Variants in GALNT13 observed in about 807,000 individuals in gnomAD.
GALNT13 encodes polypeptide N-acetylgalactosaminyltransferase 13.
Under a neutral mutation model 64.2 loss-of-function variants are expected in GALNT13, and 28 were observed. The ratio of observed to expected loss-of-function variants is 0.44; its 90% CI spans 0.32 to 0.60. The LOEUF is 0.60. Ranked by LOEUF, GALNT13 falls within the 20% of genes least tolerant of loss-of-function variation. GALNT13 has a pLI of 0.05. For missense variants in GALNT13, 577 were observed against 669.8 expected (o/e 0.86, Z 1.53); for synonymous variants, 214 against 224.6 (o/e 0.95, Z 0.42).
the GALNT13 span, among the ~76,000 whole-genome samples, chr2:153,154,220 T>C: frequency 6.6e-6 from 1 of 152,100 alleles, no homozygotes; most frequent in Non-Finnish European, 1.5e-5. Context: ...GTTTCTCCCA[T>C]GCTGTTCTTG....
intron 9 of GALNT13, among the ~76,000 whole-genome samples, chr2:154,340,274 G>C (rs1380768630): frequency 6.6e-6 from 1 of 151,834 alleles, no homozygotes; most frequent in East Asian, 1.9e-4. Flanking sequence ...TTACCTTTTA[G>C]AGACAAGATC....
intron 1 of GALNT13, among the ~76,000 whole-genome samples, chr2:153,884,761 A>G (rs1304383013): frequency 7.3e-6 from 1 of 137,168 alleles, no homozygotes; most frequent in African/African-American, 2.9e-5. Flanking sequence ...TGTACTAAAA[A>G]TACGAATATA....
chr2:153,324,054 G>A, the GALNT13 span, among the ~76,000 whole-genome samples: 3 of 152,230 alleles, frequency 2.0e-5, no homozygotes, highest in Non-Finnish European at 2.9e-5. Context: ...GATGAAAATA[G>A]CACTGAATTT....
At chr2:153,318,654 T>C in the GALNT13 span, among the ~76,000 whole-genome samples, 1 of 152,198 alleles carries the variant, frequency 6.6e-6, no homozygotes, top group African/African-American at 2.4e-5. Flanking sequence ...AGATGTAGCC[T>C]TGGACTAGTC....
At chr2:154,263,272 G>A (rs1255411123) in intron 8 of GALNT13, among the ~76,000 whole-genome samples, 1 of 152,126 alleles carries the variant, frequency 6.6e-6, no homozygotes, top group African/African-American at 2.4e-5. Context: ...GCTTTAGTGT[G>A]TCCATCTCTA....
At chr2:153,589,097 T>G in the GALNT13 span, among the ~76,000 whole-genome samples, 1 of 151,894 alleles carries the variant, frequency 6.6e-6, no homozygotes, top group South Asian at 2.1e-4. Context: ...ATCATGCCAT[T>G]GCACTCCAGC....
chr2:153,147,459 C>T, the GALNT13 span, among the ~76,000 whole-genome samples: 3 of 151,366 alleles, frequency 2.0e-5, no homozygotes, highest in East Asian at 5.8e-4. Flanking sequence ...CTAAAGGAGG[C>T]AAACAGTAGT....
the GALNT13 span, among the ~76,000 whole-genome samples, chr2:153,227,912 G>A: frequency 6.6e-6 from 1 of 152,164 alleles, no homozygotes; most frequent in African/African-American, 2.4e-5. Flanking sequence ...AAAATGTTTT[G>A]TGTCTACACA....
At chr2:153,579,776 T>C in the GALNT13 span, among the ~76,000 whole-genome samples, 1 of 152,050 alleles carries the variant, frequency 6.6e-6, no homozygotes, top group South Asian at 2.1e-4. Flanking sequence ...CATTGGAGCA[T>C]GAACTCTATT....
the GALNT13 span, among the ~76,000 whole-genome samples, chr2:153,191,660 C>T: frequency 4.0e-5 from 6 of 149,522 alleles, no homozygotes; most frequent in Admixed American, 6.7e-5. Flanking sequence ...CTTATAACTT[C>T]GGTAGAAGTT....
At chr2:153,232,553 T>C in the GALNT13 span, among the ~76,000 whole-genome samples, 1 of 152,198 alleles carries the variant, frequency 6.6e-6, no homozygotes, top group African/African-American at 2.4e-5. Flanking sequence ...TGCTCTCCTG[T>C]AAGGAAATTC....
chr2:154,357,463 G>A (rs1696815317), intron 9 of GALNT13, among the ~76,000 whole-genome samples: 1 of 152,038 alleles, frequency 6.6e-6, no homozygotes, highest in South Asian at 2.1e-4. Flanking sequence ...AGTGTAAGAA[G>A]TGGGGTGCTG....
chr2:153,232,864 A>G, the GALNT13 span, among the ~76,000 whole-genome samples: 1 of 152,200 alleles, frequency 6.6e-6, no homozygotes, highest in Non-Finnish European at 1.5e-5. Context: ...TTAGTGCTGT[A>G]GTTCACAGTG....
At chr2:153,399,440 G>C in the GALNT13 span, among the ~76,000 whole-genome samples, 1 of 152,098 alleles carries the variant, frequency 6.6e-6, no homozygotes, top group African/African-American at 2.4e-5. Flanking sequence ...CTTTAAAGTA[G>C]TTTTTTCCAA....
At chr2:153,081,862 T>C in the GALNT13 span, among the ~76,000 whole-genome samples, 2 of 152,214 alleles carry the variant, frequency 1.3e-5, no homozygotes, top group African/African-American at 4.8e-5. Context: ...TATTCTGATT[T>C]CCTTTTTGTG....
the GALNT13 span, among the ~76,000 whole-genome samples, chr2:153,269,965 T>C: frequency 3.3e-5 from 5 of 152,134 alleles, no homozygotes; most frequent in Non-Finnish European, 7.4e-5. Flanking sequence ...CATTGGGGAT[T>C]ACAATTCAAG....
chr2:153,679,549 C>T, the GALNT13 span, among the ~76,000 whole-genome samples: 1 of 151,840 alleles, frequency 6.6e-6, no homozygotes, highest in Non-Finnish European at 1.5e-5. Context: ...TGAGTTTTGA[C>T]AAATCTGTCC....
intron 9 of GALNT13, among the ~76,000 whole-genome samples, chr2:154,341,043 A>G (rs1219951819): frequency 6.6e-6 from 1 of 152,096 alleles, no homozygotes; most frequent in African/African-American, 2.4e-5. Flanking sequence ...CAAGTCATAG[A>G]CTTTTGAACT....
the GALNT13 span, among the ~76,000 whole-genome samples, chr2:153,696,980 A>T: frequency 9.8e-5 from 15 of 152,348 alleles, no homozygotes; most frequent in East Asian, 1.9e-3. Context: ...CAGGAGTCAA[A>T]GCCATTTTCT....
Sources: allele counts gnomAD v4.1 joint callset (sites outside exome capture counted in the v4.1 genomes callset), GRCh38; gene constraint gnomAD v4.1.1; transcripts MANE v1.5; gene names NCBI Gene and HGNC (gene_info 2026-07-23, HGNC 2026-07-21).